Variants in ATP8A2 observed in about 807,000 individuals in gnomAD.
The protein encoded by ATP8A2 is ATPase phospholipid transporting 8A2, also known as phospholipid-transporting ATPase IB.
A neutral mutation model predicts 165.6 loss-of-function variants in ATP8A2; 100 were observed. The ratio of observed to expected loss-of-function variants is 0.60; its 90% CI spans 0.51 to 0.71. The LOEUF (loss-of-function observed/expected upper bound fraction) is 0.71. Among genes scored for constraint, ATP8A2 ranks in the 30% least tolerant of loss-of-function variants. The pLI is 0.00. For synonymous variants in ATP8A2, 543 were observed against 548.8 expected, an observed-to-expected ratio of 0.99 and a Z score of 0.15; for missense variants, 1,227 against 1,479.5, an observed-to-expected ratio of 0.83 and a Z score of 2.80.
Position 25,769,249 on chromosome 13 carries a change from A to T in ATP8A2, c.2568+20A>T. 6.3e-7 allele frequency: 1 copy of T among 1,597,858 alleles called. No individual in the cohort carries two copies. Among genetic ancestry groups the T allele is most frequent in the East Asian group, 2.2e-5 (1 of 44,544 alleles). On this transcript the variant is annotated intron_variant, in intron 26 of 36. Coordinates refer to ENST00000381655, the MANE Select transcript of ATP8A2 (RefSeq NM_016529.6). ...GCACAGGTCAGCAGCTTGGGCGTCC[A>T]GCTGCCCTGTCCTGTTGAGAGATGA...
chr13:25,815,243 A>G (rs1366040792), intron 27 of ATP8A2, among the ~76,000 whole-genome samples: 1 of 152,232 alleles, frequency 6.6e-6, no homozygotes, highest in African/African-American at 2.4e-5. Flanking sequence ...AAAAGATTCT[A>G]TCAACAGAGT....
intron 27 of ATP8A2, among the ~76,000 whole-genome samples, chr13:25,802,490 C>G (rs1239117602): frequency 6.6e-6 from 1 of 152,154 alleles, no homozygotes; most frequent in Non-Finnish European, 1.5e-5. Context: ...AGCTTCATTT[C>G]TTACACAAAA....
chr13:25,785,250 G>C (rs2044994803), intron 27 of ATP8A2, among the ~76,000 whole-genome samples: 1 of 151,560 alleles, frequency 6.6e-6, no homozygotes, highest in Admixed American at 6.6e-5. Context: ...AATACAAAAA[G>C]TTAACCGGAC....
intron 33 of ATP8A2, among the ~76,000 whole-genome samples, chr13:25,915,418 A>T (rs563467997): frequency 1.3e-5 from 2 of 152,350 alleles, no homozygotes; most frequent in South Asian, 4.1e-4. Context: ...CCACCCTGTG[A>T]TGAAAGGACC....
chr13:25,788,312 G>A (rs189932134), intron 27 of ATP8A2, among the ~76,000 whole-genome samples: 6 of 152,286 alleles, frequency 3.9e-5, no homozygotes, highest in South Asian at 2.1e-4. Flanking sequence ...ATTTAACATC[G>A]ATAGACCATA....
intron 24 of ATP8A2, among the ~76,000 whole-genome samples, chr13:25,594,753 A>G (rs2040188005): frequency 6.6e-6 from 1 of 152,168 alleles, no homozygotes; most frequent in Non-Finnish European, 1.5e-5. Context: ...AACTAGTACA[A>G]CCACTATGGA....
chr13:25,786,043 GCAA>G (rs1299395937), intron 27 of ATP8A2, among the ~76,000 whole-genome samples: 2 of 152,122 alleles, frequency 1.3e-5, no homozygotes, highest in African/African-American at 4.8e-5. Context: ...CCTTATGTAT[GCAA>G]GTAAAATGTA....
chr13:25,632,319 C>T (rs2041260455), intron 24 of ATP8A2, among the ~76,000 whole-genome samples: 1 of 152,050 alleles, frequency 6.6e-6, no homozygotes, highest in South Asian at 2.1e-4. Context: ...AGCCTTCAGC[C>T]CCTCCCCTCC....
intron 35 of ATP8A2, among the ~76,000 whole-genome samples, chr13:25,992,838 CT>C: frequency 6.6e-6 from 1 of 150,816 alleles, no homozygotes; most frequent in African/African-American, 2.4e-5. Context: ...TCCCTCCCCC[CT>C]TCCCCCACCC....
intron 30 of ATP8A2, among the ~76,000 whole-genome samples, chr13:25,853,920 T>C (rs369025718): frequency 2.2e-4 from 34 of 152,330 alleles, no homozygotes; most frequent in African/African-American, 8.2e-4. Context: ...TCAGTTGTCA[T>C]CATTTGCATC....
chr13:25,849,357 A>G (rs1951951804), intron 30 of ATP8A2, among the ~76,000 whole-genome samples: 1 of 152,214 alleles, frequency 6.6e-6, no homozygotes, highest in Admixed American at 6.5e-5. Flanking sequence ...CATTGTCTTG[A>G]AATTTTGCCT....
At chr13:25,769,633 C>A (rs2138292837) in intron 26 of ATP8A2, among the ~76,000 whole-genome samples, 1 of 152,324 alleles carries the variant, frequency 6.6e-6, no homozygotes, top group South Asian at 2.1e-4. Context: ...GTTCCAGTCT[C>A]ACTCCTCCCA....
chr13:25,841,632 C>T (rs895030511), intron 30 of ATP8A2, among the ~76,000 whole-genome samples: 3 of 152,144 alleles, frequency 2.0e-5, no homozygotes, highest in African/African-American at 7.2e-5. Flanking sequence ...TGTTCATTAA[C>T]CTTATTCCTG....
intron 1 of ATP8A2, among the ~76,000 whole-genome samples, chr13:25,435,013 C>A (rs1332196711): frequency 1.3e-5 from 2 of 152,140 alleles, no homozygotes; most frequent in African/African-American, 2.4e-5. Context: ...GGGATCTATG[C>A]ATCCGTTCTG....
At chr13:25,613,322 C>G (rs1221740082) in intron 24 of ATP8A2, among the ~76,000 whole-genome samples, 2 of 152,164 alleles carry the variant, frequency 1.3e-5, no homozygotes, top group African/African-American at 2.4e-5. Flanking sequence ...GTGGCTCACT[C>G]CTGTAATCCC....
rs932480898 is a variant in ATP8A2, at chr13:25,468,884, G to T, written c.77-93G>T. On this transcript the variant is annotated intron_variant, in intron 1 of 36. Coordinates refer to ENST00000381655, the MANE Select transcript of ATP8A2 (RefSeq NM_016529.6). ...CCTCACCCGAGCATCCTTCCCCGCC[G>T]GTGGCCGCCCGCCCGCGGCCCGCGC... 4 of 1,557,550 alleles carry T rather than the reference G, an allele frequency of 2.6e-6. No homozygotes were observed. In the African/African-American group the frequency reaches 4.2e-5, roughly 16 times the overall value.
chr13:25,694,651 T>G (rs1019642525), intron 24 of ATP8A2, among the ~76,000 whole-genome samples: 2 of 152,202 alleles, frequency 1.3e-5, no homozygotes, highest in African/African-American at 4.8e-5. Flanking sequence ...TGTTTGAGAT[T>G]CAGAATTACA....
At chr13:25,640,529 A>G (rs1380041677) in intron 24 of ATP8A2, among the ~76,000 whole-genome samples, 2 of 152,216 alleles carry the variant, frequency 1.3e-5, no homozygotes, top group Non-Finnish European at 2.9e-5. Flanking sequence ...TCCTCGACAC[A>G]TACACCCTCC....
intron 25 of ATP8A2, 29 bp downstream of exon 25, chr13:25,699,374 A>G: frequency 6.5e-7 from 1 of 1,549,330 alleles, no homozygotes; most frequent in Non-Finnish European, 8.8e-7. Context: ...TGCACAGTTC[A>G]CACTCTGCTG....
Sources: gnomAD v4.1 joint callset for allele counts (sites outside exome capture counted in the v4.1 genomes callset) on GRCh38, gnomAD v4.1.1 for gene constraint, MANE v1.5 for transcripts, NCBI Gene and HGNC (gene_info 2026-07-23, HGNC 2026-07-21) for gene names.